The following GPD2 variants were observed in gnomAD, a reference collection of about 807,000 sequenced individuals.
GPD2 encodes glycerol-3-phosphate dehydrogenase 2.
A neutral mutation model predicts 82.4 loss-of-function variants in GPD2; 54 were observed. That is an observed-to-expected ratio of 0.66 (90% CI 0.53 to 0.82). GPD2 has a LOEUF of 0.82. GPD2 is among the 40% of genes least tolerant of loss of function. The probability of loss-of-function intolerance (pLI) is 0.00; values close to 1 mark genes in which losing one functional copy is unlikely to be tolerated. For synonymous variants in GPD2, 288 were observed against 306.1 expected (o/e 0.94, Z 0.62); for missense variants, 748 against 896.2 (o/e 0.83, Z 2.11).
chr2:156,407,611 T>C, the GPD2 span, among the ~76,000 whole-genome samples: 15 of 152,230 alleles, frequency 9.9e-5, no homozygotes, highest in Non-Finnish European at 1.6e-4. Flanking sequence ...GCTGTAATTG[T>C]AAGATGCATG....
At position 156,579,005 on chromosome 2, in the gene GPD2, C is replaced by CTTA; in HGVS notation, c.1880+6_1880+8dup. 1 of 1,571,838 alleles carries CTTA rather than the reference C, an allele frequency of 6.4e-7. No homozygotes were observed. The highest frequency in any genetic ancestry group is 8.8e-7 in the Non-Finnish European group (1 of 1,142,010). Reference sequence around the variant, plus strand: ...TACTGCCTTCAGACATTGACAGGTACTTATAATAAGTGTCTATCTATCTCT... The same window carrying CTTA: ...TACTGCCTTCAGACATTGACAGGTACTTATTATAATAAGTGTCTATCTATCTCT... On this transcript the variant is annotated splice_donor_region_variant and intron_variant, in intron 14 of 16. Transcript: ENST00000438166.
At chr2:156,504,696 G>A (rs1573939331) in intron 3 of GPD2, among the ~76,000 whole-genome samples, 2 of 151,658 alleles carry the variant, frequency 1.3e-5, no homozygotes. Context: ...TCAAAAATAA[G>A]AAATTGAATA....
At chr2:156,477,246 T>C (rs1683545776) in intron 2 of GPD2, among the ~76,000 whole-genome samples, 1 of 152,048 alleles carries the variant, frequency 6.6e-6, no homozygotes, top group Admixed American at 6.6e-5. Context: ...GCCTGGACAA[T>C]ATGGTGAAAC....
intron 1 of GPD2, among the ~76,000 whole-genome samples, chr2:156,451,714 C>T (rs1187267662): frequency 6.8e-6 from 1 of 146,468 alleles, no homozygotes; most frequent in Admixed American, 6.7e-5. Context: ...CCACCTCCCT[C>T]CCGGACGGGG....
At chr2:156,433,185 T>G (rs1688337160), upstream of GPD2, among the ~76,000 whole-genome samples, 1 of 152,220 alleles carries the variant, frequency 6.6e-6, no homozygotes, top group Non-Finnish European at 1.5e-5. Context: ...GTTTACAGTT[T>G]ATAGTTTTAA....
At chr2:156,552,818 TG>T (rs1485634243) in intron 8 of GPD2, among the ~76,000 whole-genome samples, 3 of 151,950 alleles carry the variant, frequency 2.0e-5, no homozygotes. Flanking sequence ...ATAGGACTTC[TG>T]GGGTTTGTTC....
Position 156,568,844 on chromosome 2 carries a change from G to A in GPD2, c.1185G>A (p.Leu395=). 1 of 1,612,694 alleles carries A rather than the reference G, an allele frequency of 6.2e-7. No homozygotes were observed. Among genetic ancestry groups the A allele is most frequent in the African/African-American group, 1.3e-5 (1 of 74,954 alleles). The change falls in exon 10 of 17, where the codon CTG becomes CTA. Residue 395 remains leucine, a synonymous_variant. Transcript: ENST00000438166. The part of the protein sequence containing the change: ...CDVEVRRGDV[L]AAWSGIRPLV... ...TACCAGTGAGAAGAGGGGATGTCCT[G>A]GCAGCATGGAGTGGAATCCGTCCTC... is the stretch of plus-strand genomic sequence containing the variant.
intron 8 of GPD2, among the ~76,000 whole-genome samples, chr2:156,555,949 G>T (rs1471241642): frequency 2.0e-5 from 3 of 152,166 alleles, no homozygotes; most frequent in Non-Finnish European, 4.4e-5. Context: ...TGCTAAGGCT[G>T]AGTAGACATG....
chr2:156,416,021 A>C, the GPD2 span, among the ~76,000 whole-genome samples: 1 of 92,462 alleles, frequency 1.1e-5, no homozygotes, highest in East Asian at 3.4e-4. Context: ...ACTCCGTCTC[A>C]AAAAAAAAAA....
Position 156,443,454 on chromosome 2 carries a change from G to C in GPD2, c.-9+6941G>C, listed in dbSNP as rs539024587. Among the ~76,000 whole-genome samples the C allele has an allele frequency of 3.9e-4, 60 of 152,326 alleles. 1 individual carries two copies. The highest frequency in any genetic ancestry group is 6.8e-3 in the Middle Eastern group (2 of 294). On this transcript the variant is annotated intron_variant, in intron 1 of 16. Coordinates refer to ENST00000438166, the MANE Select transcript of GPD2 (RefSeq NM_000408.5). ...TCCCCAATTCAGCAATAAGTGATAA[G>C]AGTGTGCTGGGTGTGATTGGACACC...
intron 1 of GPD2, among the ~76,000 whole-genome samples, chr2:156,439,673 C>T (rs1001505792): frequency 1.3e-5 from 2 of 151,464 alleles, no homozygotes; most frequent in Admixed American, 1.3e-4. Flanking sequence ...ATGGCAAAAC[C>T]CTGTCTCTAC....
At chr2:156,432,050 C>T, upstream of GPD2, among the ~76,000 whole-genome samples, 1 of 151,964 alleles carries the variant, frequency 6.6e-6, no homozygotes, top group Non-Finnish European at 1.5e-5. Context: ...CCAGACCTGG[C>T]TAATTTTTGT....
intron 13 of GPD2, among the ~76,000 whole-genome samples, chr2:156,577,864 A>G (rs556574834): frequency 2.5e-4 from 38 of 152,262 alleles, no homozygotes; most frequent in African/African-American, 8.4e-4. Flanking sequence ...TGCCCTTCTT[A>G]TGGCACAGGA....
At chr2:156,512,036 G>T (rs1313937523) in intron 4 of GPD2, among the ~76,000 whole-genome samples, 184 bp from the exon 5 acceptor site, 1 of 152,100 alleles carries the variant, frequency 6.6e-6, no homozygotes, top group Non-Finnish European at 1.5e-5. Flanking sequence ...TACAGTTAAG[G>T]TTTCTAAAAA....
At chr2:156,450,735 A>G (rs573397879) in intron 1 of GPD2, among the ~76,000 whole-genome samples, 1 of 87,562 alleles carries the variant, frequency 1.1e-5, no homozygotes, top group South Asian at 5.1e-4. Context: ...GGGTCACAGG[A>G]CAATAGTGGA....
intron 1 of GPD2, among the ~76,000 whole-genome samples, chr2:156,448,791 CT>C (rs1371407917): frequency 2.0e-5 from 3 of 152,228 alleles, no homozygotes; most frequent in Non-Finnish European, 4.4e-5. Flanking sequence ...TGTCCTGTGG[CT>C]GCTGTAACAA....
At chr2:156,423,048 T>G in the GPD2 span, among the ~76,000 whole-genome samples, 29 of 152,184 alleles carry the variant, frequency 1.9e-4, no homozygotes, top group African/African-American at 7.0e-4. Context: ...TTGTAATTTA[T>G]CTTTACAGTA....
intron 13 of GPD2, among the ~76,000 whole-genome samples, chr2:156,575,081 G>A (rs148281465): frequency 6.6e-6 from 1 of 152,272 alleles, no homozygotes; most frequent in African/African-American, 2.4e-5. Flanking sequence ...ATACCTTAGA[G>A]TACTCAGAGA....
intron 1 of GPD2, among the ~76,000 whole-genome samples, chr2:156,450,343 A>G (rs1295921478): frequency 3.9e-5 from 6 of 152,132 alleles, no homozygotes; most frequent in Non-Finnish European, 7.3e-5. Flanking sequence ...TTATTTGCAT[A>G]TAGGTTATAT....
Sources: gnomAD v4.1 joint callset for allele counts (sites outside exome capture counted in the v4.1 genomes callset) on GRCh38, gnomAD v4.1.1 for gene constraint, MANE v1.5 for transcripts, NCBI Gene and HGNC (gene_info 2026-07-23, HGNC 2026-07-21) for gene names.